Variants in DTNA observed in about 807,000 individuals in gnomAD.
The protein encoded by DTNA is dystrophin-related protein 3.
DTNA carries 43 observed loss-of-function variants against 100.7 expected under a neutral mutation model. The observed-to-expected ratio is 0.43, with a 90% CI of 0.33 to 0.55. The LOEUF is 0.55. Among genes scored for constraint, DTNA ranks in the 20% least tolerant of loss-of-function variants. DTNA has a pLI of 0.04. For missense variants in DTNA, 798 were observed against 953.9 expected (o/e 0.84, Z 2.15); for synonymous variants, 349 against 347.9 (o/e 1.00, Z -0.04).
chr18:34,559,344 TG>T (rs905216130), intron 1 of DTNA, among the ~76,000 whole-genome samples: 1 of 152,098 alleles, frequency 6.6e-6, no homozygotes, highest in Non-Finnish European at 1.5e-5. Context: ...TGTGGATAAG[TG>T]GGGGGAAAAA....
intron 1 of DTNA, among the ~76,000 whole-genome samples, chr18:34,521,761 T>TGAC (rs1403177005): frequency 2.6e-5 from 4 of 152,198 alleles, no homozygotes; most frequent in African/African-American, 9.6e-5. Flanking sequence ...ATATCCTCAG[T>TGAC]GACGACTTCT....
At chr18:34,697,501 A>G (rs1192067717) in intron 1 of DTNA, among the ~76,000 whole-genome samples, 1 of 152,144 alleles carries the variant, frequency 6.6e-6, no homozygotes, top group Non-Finnish European at 1.5e-5. Context: ...GAGTAAATTT[A>G]CTGGGTTCTA....
intron 17 of DTNA, among the ~76,000 whole-genome samples, chr18:34,871,607 A>C (rs1280413041): frequency 1.3e-5 from 2 of 152,154 alleles, no homozygotes; most frequent in East Asian, 3.9e-4. Flanking sequence ...ACCAGGCTGG[A>C]GGCCACCATC....
intron 16 of DTNA, among the ~76,000 whole-genome samples, chr18:34,861,702 C>T (rs1192700765): frequency 6.6e-6 from 1 of 151,946 alleles, no homozygotes; most frequent in Non-Finnish European, 1.5e-5. Flanking sequence ...ATTTGGAAAA[C>T]GCTGGTGGAA....
chr18:34,719,542 C>T (rs1486515064), intron 1 of DTNA, among the ~76,000 whole-genome samples: 4 of 152,026 alleles, frequency 2.6e-5, no homozygotes, highest in Non-Finnish European at 5.9e-5. Flanking sequence ...CGCCATCCTG[C>T]CTACTCTTAA....
At chr18:34,844,707 A>G (rs1334636390) in intron 13 of DTNA, among the ~76,000 whole-genome samples, 2 of 152,184 alleles carry the variant, frequency 1.3e-5, no homozygotes, top group South Asian at 2.1e-4. Context: ...TTTTGCATTT[A>G]TATATGCTAT....
intron 1 of DTNA, among the ~76,000 whole-genome samples, chr18:34,734,981 A>T (rs977264910): frequency 6.6e-6 from 1 of 152,118 alleles, no homozygotes; most frequent in African/African-American, 2.4e-5. Context: ...TTCCTCTAGA[A>T]CCACTCCTGT....
intron 11 of DTNA, among the ~76,000 whole-genome samples, chr18:34,833,022 A>AC (rs2096054642): frequency 6.6e-6 from 1 of 152,176 alleles, no homozygotes; most frequent in East Asian, 1.9e-4. Context: ...ATCTGTTCTT[A>AC]ATTTGCTATA....
At chr18:34,745,536 C>T (rs558846296) in intron 1 of DTNA, among the ~76,000 whole-genome samples, 12 of 152,148 alleles carry the variant, frequency 7.9e-5, no homozygotes, top group Admixed American at 5.2e-4. Flanking sequence ...TTTCAGGATG[C>T]GAGTTTCTGC....
At chr18:34,751,467 C>G (rs1317024885) in intron 1 of DTNA, among the ~76,000 whole-genome samples, 1 of 152,172 alleles carries the variant, frequency 6.6e-6, no homozygotes, top group East Asian at 1.9e-4. Flanking sequence ...TTGGAAAGCC[C>G]TTTATCGTCT....
chr18:34,600,595 T>C (rs1036988587), intron 1 of DTNA, among the ~76,000 whole-genome samples: 6 of 152,216 alleles, frequency 3.9e-5, no homozygotes, highest in African/African-American at 2.4e-5. Context: ...AGGTCTTAGA[T>C]TGTTCATTTC....
chr18:34,594,893 T>A (rs1481800531), intron 1 of DTNA, among the ~76,000 whole-genome samples: 1 of 152,196 alleles, frequency 6.6e-6, no homozygotes, highest in African/African-American at 2.4e-5. Flanking sequence ...AAGCAAGACC[T>A]ATACTCAAGA....
At chr18:34,771,888 C>G (rs1330337639) in intron 3 of DTNA, among the ~76,000 whole-genome samples, 2 of 152,024 alleles carry the variant, frequency 1.3e-5, no homozygotes, top group Non-Finnish European at 2.9e-5. Context: ...GCTGTTTCTA[C>G]CATAACATTA....
At chr18:34,882,270 A>G (rs1603352275) in intron 21 of DTNA, 69 bp downstream of exon 21, 2 of 1,588,678 alleles carry the variant, frequency 1.3e-6, no homozygotes, top group East Asian at 4.6e-5. Context: ...GGTCTTTGAC[A>G]TGACTTGCAG....
intron 3 of DTNA, among the ~76,000 whole-genome samples, chr18:34,781,706 A>G (rs1170517153): frequency 7.9e-5 from 12 of 152,182 alleles, no homozygotes; most frequent in Non-Finnish European, 1.3e-4. Context: ...ATGAATGAAT[A>G]AATAAATAAA....
rs140467521 is a variant in DTNA at position 34,628,584 on chromosome 18, G to T, written c.-1-127392G>T. ...TTGCTTGATGCCTTTTCAAAGAATTGCTTATCAGAGAACTTCTAGTAACCT... is the reference window on the plus strand; with the variant it reads ...TTGCTTGATGCCTTTTCAAAGAATTTCTTATCAGAGAACTTCTAGTAACCT... On this transcript the variant is annotated intron_variant, in intron 1 of 19. Coordinates refer to the DTNA transcript ENST00000283365. Among the ~76,000 whole-genome samples, 764 of 152,148 alleles carry T rather than the reference G, an allele frequency of 5.0e-3. 6 individuals carry two copies. The highest frequency in any genetic ancestry group is 0.017 in the African/African-American group (714 of 41,514).
rs1292610034 is a variant in DTNA at position 34,889,930 on chromosome 18, A to G, written c.*2196A>G. 1 of 1,045,394 alleles carries G rather than the reference A, an allele frequency of 9.6e-7. No individual in the cohort carries two copies. The highest frequency in any genetic ancestry group is 5.0e-5 in the Admixed American group (1 of 19,836). 64.8% of individuals were successfully genotyped at this position (1,045,394 alleles called of 1,614,324 possible). A position where few individuals can be genotyped will look rare whatever the true frequency, so the allele number is the denominator to read the frequency against. ...CCTCTGTGAACCCATACCTCTCTAG[A>G]TGGAGCAGGTGGCCACTGGTGCCTC... On this transcript the variant is annotated 3_prime_UTR_variant, in exon 23 of 23. Coordinates refer to ENST00000444659, the MANE Select transcript of DTNA (RefSeq NM_001386795.1).
intron 11 of DTNA, among the ~76,000 whole-genome samples, chr18:34,831,088 T>C (rs1425747846): frequency 1.3e-5 from 2 of 152,190 alleles, no homozygotes; most frequent in Non-Finnish European, 2.9e-5. Context: ...GCCTCCTTTT[T>C]AAAATCTTAA....
In DTNA at chr18:34,888,033, A is replaced by T; in HGVS notation, c.*299A>T. 1.0e-6 allele frequency: 1 copy of T among 985,922 alleles called. No individual in the cohort carries two copies. The highest frequency in any genetic ancestry group is 1.2e-6 in the Non-Finnish European group (1 of 829,964). The allele number at this position is 985,922 out of a possible 1,614,324, so 61.1% of individuals were successfully genotyped here. A position where few individuals can be genotyped will look rare whatever the true frequency, so the allele number is the denominator to read the frequency against. On this transcript the variant is annotated 3_prime_UTR_variant, in exon 23 of 23. Coordinates refer to ENST00000444659, the MANE Select transcript of DTNA (RefSeq NM_001386795.1). ...AAAGACTTCTGTTCAAAGTTAACTT[A>T]TCAGCTACATCCTCTGTAACGTGGT...
Sources: gnomAD v4.1 joint callset for allele counts (sites outside exome capture counted in the v4.1 genomes callset) on GRCh38, gnomAD v4.1.1 for gene constraint, MANE v1.5 for transcripts, NCBI Gene and HGNC (gene_info 2026-07-23, HGNC 2026-07-21) for gene names.